YTHDF2: variants seen among roughly 807,000 people sequenced by gnomAD.
The protein encoded by YTHDF2 is YTH N6-methyladenosine RNA binding protein F2, also known as YTH domain-containing family protein 2.
Under a neutral mutation model 50.4 loss-of-function variants are expected in YTHDF2, and 2 were observed. That is an observed-to-expected ratio of 0.04 (90% confidence interval 0.02 to 0.12). The LOEUF (loss-of-function observed/expected upper bound fraction) is 0.12, where lower values mean the gene tolerates loss of function less well. Ranked by LOEUF, YTHDF2 falls within the 10% of genes least tolerant of loss-of-function variation. The probability of loss-of-function intolerance (pLI) is 1.00; values close to 1 mark genes in which losing one functional copy is unlikely to be tolerated. For synonymous variants in YTHDF2, 217 were observed against 255.6 expected (o/e 0.85, Z 1.44); for missense variants, 483 against 722.6 (o/e 0.67, Z 3.80).
rs149151835 is a variant in YTHDF2 at position 28,741,277 on chromosome 1, C to T, written c.133-1126C>T. On this transcript the variant is annotated intron_variant, in intron 3 of 4. Coordinates refer to ENST00000373812, the MANE Select transcript of YTHDF2 (RefSeq NM_016258.3). ...CCTCCCAAAATGCTGGAATTACAGG[C>T]GTGAGCCACTGTGCCCGGCCTGTTT... is the stretch of plus-strand genomic sequence containing the variant. Among the ~76,000 whole-genome samples the T allele has an allele frequency of 1.8e-3, 272 of 151,848 alleles. 2 individuals carry two copies. The highest frequency in any genetic ancestry group is 1.8e-3 in the Non-Finnish European group (120 of 67,950).
chr1:28,736,877 T>G, upstream of YTHDF2: 84 of 429,364 alleles, frequency 2.0e-4, no homozygotes, highest in Non-Finnish European at 2.1e-4. Flanking sequence ...GGCGCTCTGC[T>G]TTAGGCGGTG....
chr1:28,762,266 C>G (rs1466353852), intron 4 of YTHDF2, among the ~76,000 whole-genome samples: 1 of 152,100 alleles, frequency 6.6e-6, no homozygotes, highest in Non-Finnish European at 1.5e-5. Context: ...GTGGCGGGCA[C>G]CTGTAGTCCC....
At chr1:28,755,293 C>A (rs1027823508) in intron 4 of YTHDF2, among the ~76,000 whole-genome samples, 1 of 152,064 alleles carries the variant, frequency 6.6e-6, no homozygotes, top group African/African-American at 2.4e-5. Context: ...GAATTTTCAA[C>A]CCTCAGGATA....
intron 3 of YTHDF2, among the ~76,000 whole-genome samples, chr1:28,742,010 C>T (rs2087783679): frequency 6.6e-6 from 1 of 150,750 alleles, no homozygotes; most frequent in Non-Finnish European, 1.5e-5. Flanking sequence ...TAAAAAATGC[C>T]CTTGTGTTTA....
intron 4 of YTHDF2, among the ~76,000 whole-genome samples, chr1:28,747,568 T>A (rs2087883018): frequency 6.7e-6 from 1 of 149,794 alleles, no homozygotes; most frequent in South Asian, 2.1e-4. Context: ...TTTTTTTTTT[T>A]TGAGAGACGA....
intron 4 of YTHDF2, among the ~76,000 whole-genome samples, chr1:28,748,045 G>A (rs1322437506): frequency 4.0e-5 from 6 of 151,326 alleles, no homozygotes; most frequent in African/African-American, 4.9e-5. Flanking sequence ...GGAGAATGGC[G>A]TGAACCCAGG....
At chr1:28,745,048 G>C (rs545329257) in intron 4 of YTHDF2, among the ~76,000 whole-genome samples, 1 of 152,296 alleles carries the variant, frequency 6.6e-6, no homozygotes, top group South Asian at 2.1e-4. Context: ...ATTAGTGGTT[G>C]AGAGAATCCT....
At chr1:28,759,614 A>G (rs1157462439) in intron 4 of YTHDF2, among the ~76,000 whole-genome samples, 1 of 152,222 alleles carries the variant, frequency 6.6e-6, no homozygotes, top group East Asian at 1.9e-4. Flanking sequence ...ATGCAATGAT[A>G]AGTATTTGTG....
At position 28,742,462 on chromosome 1, in the gene YTHDF2, T is replaced by C. The variant is rs1268001695; in HGVS notation, c.192T>C (p.Ile64=). ...TACCCAGTTACTACAGTCCCTCCAT[T>C]GGCTTCTCCTATTCTTTGGGTGAAG... is the stretch of plus-strand genomic sequence containing the variant. The part of the protein sequence containing the change: ...SYLPSYYSPS[I]GFSYSLGEAA... The change falls in exon 4 of 5, where the codon ATT becomes ATC. Residue 64 remains isoleucine (I), a synonymous_variant. Transcript: ENST00000373812. 1 of 1,611,288 alleles carries C rather than the reference T, an allele frequency of 6.2e-7. No homozygotes were observed. The highest frequency in any genetic ancestry group is 1.3e-5 in the African/African-American group (1 of 74,738).
chr1:28,739,436 A>G (rs531031083), intron 3 of YTHDF2, among the ~76,000 whole-genome samples: 37 of 151,812 alleles, frequency 2.4e-4, no homozygotes, highest in African/African-American at 8.0e-4. Context: ...CAGCCTCCCA[A>G]GTAGCTGGGA....
rs776635756 is a variant in YTHDF2 at position 28,743,884 on chromosome 1, G to A, written c.1614G>A (p.Lys538=). 1.2e-6 allele frequency: 2 copies of A among 1,611,440 alleles called. No homozygotes were observed. The highest frequency in any genetic ancestry group is 1.7e-6 in the Non-Finnish European group (2 of 1,179,194). The change falls in exon 4 of 5, where the codon AAG becomes AAA. Residue 538 remains lysine (K), a synonymous_variant. Transcript: ENST00000373812. The surrounding 1 kb of genome is among the most constrained non-coding windows in gnomAD (Gnocchi z 6.9). ...AGGAAGTGCCTCTGGAAAAGGCTAAGCAGGTGTTGAAAATTATAGCCAGCT... is the reference window on the plus strand; with the variant it reads ...AGGAAGTGCCTCTGGAAAAGGCTAAACAGGTGTTGAAAATTATAGCCAGCT... The part of the protein sequence containing the change: ...DTQEVPLEKA[K]QVLKIIASYK...
chr1:28,762,476 G>T (rs923015826), intron 4 of YTHDF2, among the ~76,000 whole-genome samples: 4 of 152,186 alleles, frequency 2.6e-5, no homozygotes, highest in African/African-American at 9.7e-5. Flanking sequence ...TGAACTTTGG[G>T]TTTCTTTCAA....
At chr1:28,745,130 A>G (rs2087838954) in intron 4 of YTHDF2, among the ~76,000 whole-genome samples, 1 of 152,230 alleles carries the variant, frequency 6.6e-6, no homozygotes, top group African/African-American at 2.4e-5. Context: ...ATGAATTCAT[A>G]GGGATCTTAT....
intron 4 of YTHDF2, among the ~76,000 whole-genome samples, chr1:28,751,239 CAG>C (rs1188482944): frequency 6.6e-6 from 1 of 152,004 alleles, no homozygotes; most frequent in East Asian, 1.9e-4. Context: ...GCCTGGGTGA[CAG>C]AGCGAGACTG....
At chr1:28,764,272 TTTTA>T (rs2088183633) in intron 4 of YTHDF2, among the ~76,000 whole-genome samples, 2 of 144,146 alleles carry the variant, frequency 1.4e-5, no homozygotes, top group Non-Finnish European at 3.0e-5. Flanking sequence ...TTTTATTTAT[TTTTA>T]TTTTTATTTT....
At chr1:28,755,616 C>G (rs2088025817) in intron 4 of YTHDF2, among the ~76,000 whole-genome samples, 1 of 151,964 alleles carries the variant, frequency 6.6e-6, no homozygotes. Context: ...GGAAAAAGTT[C>G]CCCAGAAATA....
chr1:28,738,930 ACT>A (rs1207304025), intron 3 of YTHDF2, among the ~76,000 whole-genome samples: 2 of 152,100 alleles, frequency 1.3e-5, no homozygotes, highest in Non-Finnish European at 2.9e-5. Context: ...TACTGATAAC[ACT>A]CTACTGGCAG....
chr1:28,752,544 T>A (rs937820062), intron 4 of YTHDF2, among the ~76,000 whole-genome samples: 2 of 152,192 alleles, frequency 1.3e-5, no homozygotes, highest in Non-Finnish European at 2.9e-5. Flanking sequence ...TCTGCCTGCC[T>A]CGGCCTCCCA....
intron 2 of YTHDF2, chr1:28,737,930 C>T (rs769718550): frequency 2.7e-5 from 16 of 586,734 alleles, no homozygotes; most frequent in African/African-American, 5.6e-5. Flanking sequence ...TCCTTAGTTT[C>T]CTGTAGGTCT....
Sources: allele counts gnomAD v4.1 joint callset (sites outside exome capture counted in the v4.1 genomes callset), GRCh38; gene constraint gnomAD v4.1.1; non-coding constraint Gnocchi (gnomAD v3.1); transcripts MANE v1.5; gene names NCBI Gene and HGNC (gene_info 2026-07-23, HGNC 2026-07-21).